Variants in GLS observed in about 807,000 individuals in gnomAD.
GLS encodes glutaminase kidney isoform, mitochondrial.
In GLS, 36 loss-of-function variants were observed where a neutral mutation model predicts 86.7. The ratio of observed to expected loss-of-function variants is 0.42; its 90% CI spans 0.32 to 0.55. The LOEUF (loss-of-function observed/expected upper bound fraction) is 0.55. Ranked by LOEUF, GLS falls within the 20% of genes least tolerant of loss-of-function variation. The pLI is 0.17. For missense variants in GLS, 528 were observed against 833.4 expected, an observed-to-expected ratio of 0.63 and a Z score of 4.51; for synonymous variants, 317 against 305.9, an observed-to-expected ratio of 1.04 and a Z score of -0.38.
chr2:190,945,689 G>A (rs1003511800), intron 14 of GLS, among the ~76,000 whole-genome samples: 1 of 151,286 alleles, frequency 6.6e-6, no homozygotes, highest in African/African-American at 2.4e-5. Context: ...AAAAAAAATT[G>A]AAAATTGTAT....
chr2:190,890,124 T>G (rs113762408), intron 1 of GLS, among the ~76,000 whole-genome samples: 2,348 of 152,272 alleles, frequency 0.015, 60 homozygotes, highest in African/African-American at 0.052. Context: ...CATTGGACAT[T>G]CTGCTTGACT....
At chr2:190,926,876 T>C (rs910855528) in intron 11 of GLS, 5 of 153,074 alleles carry the variant, frequency 3.3e-5, no homozygotes, top group African/African-American at 1.2e-4. Flanking sequence ...TCTAAAATGG[T>C]GATTTCTCAT....
chr2:190,881,139 G>A lies in GLS; in HGVS notation c.55G>A (p.Ala19Thr). ...MLRDLLLRSP[A>T]GVSATLRRAQ... ...GCGGGACCTGCTCCTGCGGTCGCCC[G>A]CCGGCGTGAGCGCGACTCTGCGGCG... is the stretch of plus-strand genomic sequence containing the variant. Residue 19 changes from alanine (A) to threonine (T), a missense_variant, in exon 1 of 18, where the codon GCC becomes ACC. Coordinates refer to ENST00000320717, the MANE Select transcript of GLS (RefSeq NM_014905.5). 1 of 1,557,718 alleles carries A rather than the reference G, an allele frequency of 6.4e-7. No individual in the cohort carries two copies. Among genetic ancestry groups the A allele is most frequent in the Non-Finnish European group, 8.6e-7 (1 of 1,160,344 alleles).
rs1234909600 is a variant in GLS at position 190,905,171 on chromosome 2, A to G, written c.979+4A>G. On this transcript the variant is annotated splice_donor_region_variant and intron_variant, in intron 6 of 17. Transcript: ENST00000320717. The surrounding 1 kb of genome is among the most constrained non-coding windows in gnomAD (Gnocchi z 4.6). ...AAACTATTTTTGAATGAAGATGGTAAGAATTACATAAACATTGGTTGAAAA... is the reference window on the plus strand; with the variant it reads ...AAACTATTTTTGAATGAAGATGGTAGGAATTACATAAACATTGGTTGAAAA... 2 of 1,550,136 alleles carry G rather than the reference A, an allele frequency of 1.3e-6. No individual in the cohort carries two copies. The highest frequency in any genetic ancestry group is 1.8e-6 in the Non-Finnish European group (2 of 1,128,044).
rs1052079836 is a variant in GLS at position 190,954,526 on chromosome 2, C to T, written c.1713-58C>T. The T allele has an allele frequency of 5.5e-6, 6 of 1,093,466 alleles. No individual in the cohort carries two copies. The African/African-American group carries it at 6.3e-5, about 11-fold the overall frequency. 67.7% of individuals were successfully genotyped at this position (1,093,466 alleles called of 1,614,324 possible). A position where few individuals can be genotyped will look rare whatever the true frequency, so the allele number is the denominator to read the frequency against. On this transcript the variant is annotated intron_variant, in intron 15 of 17. Coordinates refer to ENST00000320717, the MANE Select transcript of GLS (RefSeq NM_014905.5). This position sits in a 1 kb window ranked among gnomAD's most constrained non-coding sequence, Gnocchi z 4.0. Reference sequence around the variant, plus strand: ...AAATGAACTGATGGAGTGAATGTTACCAGTGTGAATTAAATTTGCTTTATA... The same window carrying T: ...AAATGAACTGATGGAGTGAATGTTATCAGTGTGAATTAAATTTGCTTTATA...
chr2:190,940,240 ATGAACTAAATAATAC>A (rs1446977144), intron 14 of GLS, among the ~76,000 whole-genome samples: 2 of 152,014 alleles, frequency 1.3e-5, no homozygotes. Flanking sequence ...TAAATAAAGA[ATGAACTAAATAATAC>A]TGTTTGAGAT....
At chr2:190,932,290 CTT>C (rs1431419382) in intron 14 of GLS, among the ~76,000 whole-genome samples, 1 of 151,730 alleles carries the variant, frequency 6.6e-6, no homozygotes, top group Non-Finnish European at 1.5e-5. Flanking sequence ...CAGGACTTAA[CTT>C]TTTTGGTCTA....
chr2:190,902,903 C>T (rs1189728215), intron 5 of GLS, among the ~76,000 whole-genome samples: 1 of 152,074 alleles, frequency 6.6e-6, no homozygotes, highest in Non-Finnish European at 1.5e-5. Context: ...AGATGTACAA[C>T]TTGTAAGTGA....
chr2:190,883,506 C>A (rs1245930722), intron 1 of GLS, among the ~76,000 whole-genome samples: 1 of 152,126 alleles, frequency 6.6e-6, no homozygotes, highest in African/African-American at 2.4e-5. Flanking sequence ...ATTAAATTAA[C>A]ATTTTGTAAA....
In GLS at chr2:190,964,793, A is replaced by AATC. The variant is rs1691086335; in HGVS notation, c.*1809_*1811dup. Reference sequence around the variant, plus strand: ...GGGTAGACACGTTTTAACTGAAATCAATCAAGATAACTTTATTCAAAGAGC... The same window carrying AATC: ...GGGTAGACACGTTTTAACTGAAATCAATCATCAAGATAACTTTATTCAAAGAGC... On this transcript the variant is annotated 3_prime_UTR_variant, in exon 18 of 18. Transcript: ENST00000320717. This position sits in a 1 kb window ranked among gnomAD's most constrained non-coding sequence, Gnocchi z 5.2. 1 of 150,620 alleles carries AATC rather than the reference A, an allele frequency of 6.6e-6. No homozygotes were observed. The highest frequency in any genetic ancestry group is 2.5e-5 in the African/African-American group (1 of 39,950). The allele number at this position is 150,620 out of a possible 1,614,324, so 9.3% of individuals were successfully genotyped here.
intron 1 of GLS, among the ~76,000 whole-genome samples, chr2:190,894,163 G>A (rs996849427): frequency 2.0e-5 from 3 of 152,002 alleles, no homozygotes; most frequent in East Asian, 3.9e-4. Flanking sequence ...TTGTCCTTCT[G>A]TATATGTTAA....
At chr2:190,922,896 T>G (rs1689787357) in intron 9 of GLS, among the ~76,000 whole-genome samples, 2 of 152,196 alleles carry the variant, frequency 1.3e-5, no homozygotes, top group South Asian at 4.1e-4. Context: ...ATTCTCTTTC[T>G]TTCCAAACTG....
intron 7 of GLS, among the ~76,000 whole-genome samples, chr2:190,915,030 T>TTTTTTC (rs200198442): frequency 6.6e-6 from 1 of 152,108 alleles, no homozygotes. Flanking sequence ...TTACTTTTTT[T>TTTTTTC]TTTTGAGACG....
intron 3 of GLS, among the ~76,000 whole-genome samples, chr2:190,898,521 T>C (rs1465629886): frequency 6.6e-6 from 1 of 152,230 alleles, no homozygotes; most frequent in African/African-American, 2.4e-5. Context: ...CAAAATTGGC[T>C]TTGTCAGCCT....
chr2:190,929,794 T>G (rs1022204867), intron 12 of GLS, among the ~76,000 whole-genome samples: 5 of 152,064 alleles, frequency 3.3e-5, no homozygotes, highest in Non-Finnish European at 5.9e-5. Flanking sequence ...ATAAACATGT[T>G]GATAAAAATT....
intron 11 of GLS, chr2:190,927,013 A>C (rs949624408): frequency 9.0e-5 from 21 of 234,630 alleles, no homozygotes; most frequent in African/African-American, 4.5e-4. Context: ...TATTTAAGCA[A>C]ATTTGAATAT....
chr2:190,960,861 C>G (rs1336094592), intron 17 of GLS, among the ~76,000 whole-genome samples: 1 of 152,146 alleles, frequency 6.6e-6, no homozygotes, highest in African/African-American at 2.4e-5. Context: ...CCTTTATTGG[C>G]AGTATTCTAA....
At chr2:190,901,758 A>C (rs1373330433) in intron 4 of GLS, among the ~76,000 whole-genome samples, 189 bp from the exon 5 acceptor site, 1 of 152,170 alleles carries the variant, frequency 6.6e-6, no homozygotes, top group Non-Finnish European at 1.5e-5. Context: ...AGATCTCATA[A>C]TTCTCAAGTC....
At chr2:190,887,589 A>G (rs1440483397) in intron 1 of GLS, among the ~76,000 whole-genome samples, 1 of 152,150 alleles carries the variant, frequency 6.6e-6, no homozygotes, top group East Asian at 1.9e-4. Flanking sequence ...GGATATTTTG[A>G]GTGACATAGA....
Sources: gnomAD v4.1 joint callset for allele counts (sites outside exome capture counted in the v4.1 genomes callset) on GRCh38, gnomAD v4.1.1 for gene constraint, Gnocchi (gnomAD v3.1) non-coding constraint, MANE v1.5 for transcripts, NCBI Gene and HGNC (gene_info 2026-07-23, HGNC 2026-07-21) for gene names.